The following ST6GAL2 variants were observed in gnomAD, a reference collection of about 807,000 sequenced individuals.
ST6GAL2 encodes the protein beta-galactoside alpha-2,6-sialyltransferase 2.
ST6GAL2 carries 24 observed loss-of-function variants against 37.5 expected under a neutral mutation model. The observed-to-expected ratio is 0.64, with a 90% CI of 0.46 to 0.90. The LOEUF (loss-of-function observed/expected upper bound fraction) is 0.90. Ranked by LOEUF, ST6GAL2 falls within the 40% of genes least tolerant of loss-of-function variation. ST6GAL2 has a pLI of 0.00. For missense variants in ST6GAL2, 715 were observed against 712.7 expected (o/e 1.00, Z -0.04); for synonymous variants, 306 against 295.1 (o/e 1.04, Z -0.38).
chr2:106,847,055 C>A (rs1165702926), intron 1 of ST6GAL2, among the ~76,000 whole-genome samples: 1 of 152,202 alleles, frequency 6.6e-6, no homozygotes, highest in Non-Finnish European at 1.5e-5. Flanking sequence ...TCTGGTCATA[C>A]CAACCAAGGC....
intron 4 of ST6GAL2, among the ~76,000 whole-genome samples, chr2:106,832,058 C>T (rs1366497424): frequency 6.6e-6 from 1 of 152,154 alleles, no homozygotes; most frequent in Non-Finnish European, 1.5e-5. Context: ...TGTTTCAGCC[C>T]TATTGCATAA....
rs1675411912 is a variant in ST6GAL2, at chr2:106,806,314, A to G, written c.*364T>C. Reference sequence around the variant, plus strand: ...TGTTTCTAAACATAAACCACTTCATATGGTCAGGAACATCACCAAAACCTG... The same window carrying G: ...TGTTTCTAAACATAAACCACTTCATGTGGTCAGGAACATCACCAAAACCTG... On this transcript the variant is annotated 3_prime_UTR_variant, in exon 6 of 6. Transcript: ENST00000409382. 5.0e-6 allele frequency: 1 copy of G among 201,076 alleles called. No homozygotes were observed. The highest frequency in any genetic ancestry group is 1.2e-4 in the South Asian group (1 of 8,198). The allele number at this position is 201,076 out of a possible 1,614,324, so 12.5% of individuals were successfully genotyped here. A position where few individuals can be genotyped will look rare whatever the true frequency, so the allele number is the denominator to read the frequency against.
chr2:106,819,283 C>A (rs566500961), intron 5 of ST6GAL2, among the ~76,000 whole-genome samples: 9 of 151,464 alleles, frequency 5.9e-5, no homozygotes, highest in South Asian at 2.1e-4. Flanking sequence ...AAAAAGAATA[C>A]CTCAAGAAAT....
intron 1 of ST6GAL2, among the ~76,000 whole-genome samples, chr2:106,876,293 G>T (rs1678499999): frequency 6.6e-6 from 1 of 152,072 alleles, no homozygotes; most frequent in African/African-American, 2.4e-5. Context: ...TCTGGTTATA[G>T]TCTACTGAAG....
chr2:106,838,615 A>G (rs1219000613), intron 2 of ST6GAL2, among the ~76,000 whole-genome samples: 1 of 152,108 alleles, frequency 6.6e-6, no homozygotes, highest in South Asian at 2.1e-4. Flanking sequence ...GTTTCTGGAG[A>G]CCCAGACTGG....
rs1675416017 is a variant in ST6GAL2, at chr2:106,806,443, C to T, written c.*235G>A. 3 of 504,364 alleles carry T rather than the reference C, an allele frequency of 5.9e-6. No homozygotes were observed. The highest frequency in any genetic ancestry group is 1.0e-5 in the Non-Finnish European group (3 of 285,794). The allele number at this position is 504,364 out of a possible 1,614,324, so 31.2% of individuals were successfully genotyped here. A position where few individuals can be genotyped will look rare whatever the true frequency, so the allele number is the denominator to read the frequency against. On this transcript the variant is annotated 3_prime_UTR_variant, in exon 6 of 6. Transcript: ENST00000409382. Reference sequence around the variant, plus strand: ...GGTCATACATGTGTTTTCTTTCTAGCTATCCTTGGTTTTGCATCTTTCTTG... The same window carrying T: ...GGTCATACATGTGTTTTCTTTCTAGTTATCCTTGGTTTTGCATCTTTCTTG...
At chr2:106,830,569 C>T (rs1332405688) in intron 4 of ST6GAL2, among the ~76,000 whole-genome samples, 1 of 152,218 alleles carries the variant, frequency 6.6e-6, no homozygotes, top group Non-Finnish European at 1.5e-5. Flanking sequence ...GTCGTCTCTA[C>T]TCAACGGTAC....
At chr2:106,831,196 A>T (rs1319489996) in intron 4 of ST6GAL2, among the ~76,000 whole-genome samples, 1 of 152,230 alleles carries the variant, frequency 6.6e-6, no homozygotes, top group East Asian at 1.9e-4. Flanking sequence ...ATGAAGCCCC[A>T]AGCCATGTGG....
intron 5 of ST6GAL2, among the ~76,000 whole-genome samples, chr2:106,817,538 A>G (rs1308059419): frequency 6.6e-6 from 1 of 152,170 alleles, no homozygotes; most frequent in Non-Finnish European, 1.5e-5. Context: ...CTGACTAAAG[A>G]GCTGCTGGGT....
intron 5 of ST6GAL2, among the ~76,000 whole-genome samples, chr2:106,807,305 A>G (rs1675448594): frequency 6.6e-6 from 1 of 152,186 alleles, no homozygotes; most frequent in African/African-American, 2.4e-5. Context: ...ATCACATTCT[A>G]TACACATGTC....
intron 1 of ST6GAL2, among the ~76,000 whole-genome samples, chr2:106,881,762 C>T (rs1348948916): frequency 6.6e-6 from 1 of 152,180 alleles, no homozygotes; most frequent in Non-Finnish European, 1.5e-5. Context: ...CGGGCTCAAA[C>T]AGTAGAAGCA....
At chr2:106,840,544 A>G (rs1676835283) in intron 2 of ST6GAL2, among the ~76,000 whole-genome samples, 1 of 152,220 alleles carries the variant, frequency 6.6e-6, no homozygotes, top group South Asian at 2.1e-4. Context: ...AGACAAAACA[A>G]TAAAGAGAAT....
intron 2 of ST6GAL2, among the ~76,000 whole-genome samples, chr2:106,842,732 C>A (rs1676943864): frequency 6.6e-6 from 1 of 152,082 alleles, no homozygotes; most frequent in African/African-American, 2.4e-5. Flanking sequence ...GGGCAAAGGG[C>A]GGCGCTTTCC....
chr2:106,835,889 C>T (rs563369727), intron 2 of ST6GAL2, among the ~76,000 whole-genome samples: 15 of 152,262 alleles, frequency 9.9e-5, no homozygotes, highest in South Asian at 2.1e-4. Context: ...TTTGTTCATA[C>T]TTTATTGAGG....
intron 1 of ST6GAL2, among the ~76,000 whole-genome samples, chr2:106,846,003 A>G (rs1196505250): frequency 1.3e-5 from 2 of 150,890 alleles, no homozygotes; most frequent in Non-Finnish European, 2.9e-5. Context: ...GTCCACGTGG[A>G]ATGAGAGATA....
intron 2 of ST6GAL2, among the ~76,000 whole-genome samples, chr2:106,840,394 G>A (rs926779974): frequency 2.0e-5 from 3 of 152,130 alleles, no homozygotes; most frequent in African/African-American, 4.8e-5. Flanking sequence ...AGGAAGGAGC[G>A]AGGTCGGCAC....
intron 5 of ST6GAL2, among the ~76,000 whole-genome samples, chr2:106,817,324 C>T (rs1047546965): frequency 6.6e-6 from 1 of 152,168 alleles, no homozygotes; most frequent in Admixed American, 6.5e-5. Context: ...CCTTCCTTAT[C>T]AGGAGAGGAG....
chr2:106,838,084 G>A (rs1323412981), intron 2 of ST6GAL2, among the ~76,000 whole-genome samples: 1 of 152,150 alleles, frequency 6.6e-6, no homozygotes, highest in African/African-American at 2.4e-5. Flanking sequence ...ACCTGGCTGT[G>A]CATTCCTTGA....
intron 1 of ST6GAL2, among the ~76,000 whole-genome samples, chr2:106,854,323 T>C (rs1020167540): frequency 3.3e-5 from 5 of 152,226 alleles, no homozygotes; most frequent in African/African-American, 1.2e-4. Context: ...TTTCATCAAA[T>C]GTGAGTTGTA....
Sources: gnomAD v4.1 joint callset for allele counts (sites outside exome capture counted in the v4.1 genomes callset) on GRCh38, gnomAD v4.1.1 for gene constraint, MANE v1.5 for transcripts, NCBI Gene and HGNC (gene_info 2026-07-23, HGNC 2026-07-21) for gene names.